LINGO2: variants seen among roughly 807,000 people sequenced by gnomAD.
The protein encoded by LINGO2 is leucine-rich repeat and immunoglobulin-like domain-containing nogo receptor-interacting protein 2.
Under a neutral mutation model 30.6 loss-of-function variants are expected in LINGO2, and 14 were observed. The observed-to-expected ratio is 0.46, with a 90% CI of 0.30 to 0.72. The LOEUF (loss-of-function observed/expected upper bound fraction) is 0.72, where lower values mean the gene tolerates loss of function less well. Among genes scored for constraint, LINGO2 ranks in the 30% least tolerant of loss-of-function variants. LINGO2 has a pLI of 0.07. For synonymous variants in LINGO2, 317 were observed against 288.5 expected, an observed-to-expected ratio of 1.10 and a Z score of -1.00; for missense variants, 729 against 751.7, an observed-to-expected ratio of 0.97 and a Z score of 0.35.
At chr9:28,895,591 C>T in the LINGO2 span, among the ~76,000 whole-genome samples, 1 of 152,074 alleles carries the variant, frequency 6.6e-6, no homozygotes, top group Non-Finnish European at 1.5e-5. Flanking sequence ...TGAATATGCA[C>T]ATAATTTATA....
rs192992560 is a variant in LINGO2 at position 28,240,330 on chromosome 9, G to A, written c.-87+54878C>T. On this transcript the variant is annotated intron_variant, in intron 4 of 5. Coordinates refer to ENST00000379992, the Ensembl canonical transcript of LINGO2. ...GACCCAGAATAGCCAAAGCCATCCTGAGTAAAAAGAAAAAACTGGATGCAT... is the reference window on the plus strand; with the variant it reads ...GACCCAGAATAGCCAAAGCCATCCTAAGTAAAAAGAAAAAACTGGATGCAT... Among the ~76,000 whole-genome samples the A allele has an allele frequency of 1.8e-4, 28 of 152,102 alleles. No individual in the cohort carries two copies. In the East Asian group the frequency reaches 3.1e-3, roughly 17 times the overall value.
At chr9:28,673,246 A>C (rs1341450005), upstream of LINGO2, among the ~76,000 whole-genome samples, 1 of 152,218 alleles carries the variant, frequency 6.6e-6, no homozygotes, top group Non-Finnish European at 1.5e-5. Flanking sequence ...GGGGCATCAC[A>C]TTCTGTATTA....
At chr9:28,881,681 G>A in the LINGO2 span, among the ~76,000 whole-genome samples, 1 of 150,460 alleles carries the variant, frequency 6.6e-6, no homozygotes, top group Non-Finnish European at 1.5e-5. Context: ...TGTGCAGGAT[G>A]TGCAGATTTG....
intron 4 of LINGO2, among the ~76,000 whole-genome samples, chr9:28,241,472 G>A (rs1164389222): frequency 1.3e-5 from 2 of 152,028 alleles, no homozygotes; most frequent in African/African-American, 4.8e-5. Flanking sequence ...CCCACAGTGA[G>A]GAAGGAAGGG....
chr9:28,536,909 GCAC>G (rs1377962387), intron 1 of LINGO2, among the ~76,000 whole-genome samples: 1 of 151,916 alleles, frequency 6.6e-6, no homozygotes, highest in African/African-American at 2.4e-5. Flanking sequence ...TTAACCCTAA[GCAC>G]CACATTATAC....
chr9:27,951,719 C>T (rs532673650), intron 5 of LINGO2, among the ~76,000 whole-genome samples: 11 of 152,054 alleles, frequency 7.2e-5, no homozygotes, highest in South Asian at 6.2e-4. Flanking sequence ...ACTTTATCCA[C>T]GAACACCATA....
the LINGO2 span, among the ~76,000 whole-genome samples, chr9:28,878,049 G>T: frequency 6.6e-6 from 1 of 152,104 alleles, no homozygotes; most frequent in Non-Finnish European, 1.5e-5. Flanking sequence ...GAATCCGGGA[G>T]CTGGTTTTTT....
the LINGO2 span, among the ~76,000 whole-genome samples, chr9:29,099,824 G>T: frequency 5.9e-5 from 9 of 151,430 alleles, no homozygotes; most frequent in African/African-American, 2.2e-4. Flanking sequence ...CATTTTGGAG[G>T]TTACTCCGAA....
intron 1 of LINGO2, among the ~76,000 whole-genome samples, chr9:28,659,646 G>A (rs138268087): frequency 6.6e-6 from 1 of 151,928 alleles, no homozygotes; most frequent in African/African-American, 2.4e-5. Flanking sequence ...ACAAGGTTTT[G>A]CCATGTTGCC....
intron 4 of LINGO2, among the ~76,000 whole-genome samples, chr9:28,227,233 C>T (rs1241589051): frequency 6.6e-6 from 1 of 152,000 alleles, no homozygotes; most frequent in East Asian, 1.9e-4. Flanking sequence ...GAAGTAAAAT[C>T]CAGACATCCC....
chr9:28,388,908 C>T (rs1034590530), intron 2 of LINGO2, among the ~76,000 whole-genome samples: 2 of 152,100 alleles, frequency 1.3e-5, no homozygotes, highest in Non-Finnish European at 2.9e-5. Flanking sequence ...CTCTCTCTCT[C>T]TCTCTTTCTT....
At chr9:28,064,911 C>T (rs1825266696) in intron 4 of LINGO2, among the ~76,000 whole-genome samples, 1 of 151,672 alleles carries the variant, frequency 6.6e-6, no homozygotes, top group African/African-American at 2.4e-5. Context: ...CATAGAACAT[C>T]TTGAAAACAC....
chr9:28,727,953 T>C, the LINGO2 span, among the ~76,000 whole-genome samples: 1 of 152,068 alleles, frequency 6.6e-6, no homozygotes, highest in African/African-American at 2.4e-5. Context: ...TTATGCTCAA[T>C]AGGGTACCAT....
intron 2 of LINGO2, among the ~76,000 whole-genome samples, chr9:28,439,176 A>T (rs1824086678): frequency 6.7e-6 from 1 of 149,602 alleles, no homozygotes; most frequent in East Asian, 1.9e-4. Flanking sequence ...CACATTATAG[A>T]TAATGAAATA....
the LINGO2 span, among the ~76,000 whole-genome samples, chr9:28,768,784 C>G: frequency 6.6e-6 from 1 of 152,066 alleles, no homozygotes; most frequent in Non-Finnish European, 1.5e-5. Flanking sequence ...TTGATTACAT[C>G]TCTATCTTTT....
chr9:28,917,133 T>C, the LINGO2 span, among the ~76,000 whole-genome samples: 1 of 152,204 alleles, frequency 6.6e-6, no homozygotes, highest in Admixed American at 6.5e-5. Context: ...AACAGAAAGC[T>C]GCTGTGTGTA....
chr9:28,748,276 T>C, the LINGO2 span, among the ~76,000 whole-genome samples: 1 of 152,080 alleles, frequency 6.6e-6, no homozygotes, highest in Non-Finnish European at 1.5e-5. Context: ...TAGAAAAATG[T>C]ATGTTTAACA....
At chr9:28,466,728 T>C (rs1319726503) in intron 2 of LINGO2, among the ~76,000 whole-genome samples, 2 of 152,100 alleles carry the variant, frequency 1.3e-5, no homozygotes, top group East Asian at 3.9e-4. Context: ...ATATACCTAC[T>C]CTGTACCCAC....
chr9:28,637,632 T>C (rs919276984), intron 1 of LINGO2, among the ~76,000 whole-genome samples: 5 of 152,176 alleles, frequency 3.3e-5, no homozygotes, highest in African/African-American at 1.2e-4. Flanking sequence ...TATCTGTTAT[T>C]GGTGTATAAG....
Sources: gnomAD v4.1 joint callset for allele counts (sites outside exome capture counted in the v4.1 genomes callset) on GRCh38, gnomAD v4.1.1 for gene constraint, MANE v1.5 for transcripts, NCBI Gene and HGNC (gene_info 2026-07-23, HGNC 2026-07-21) for gene names.